The following RBL1 variants were observed in gnomAD, a reference collection of about 807,000 sequenced individuals.
RBL1 encodes retinoblastoma-like protein 1.
In RBL1, 82 loss-of-function variants were observed where a neutral mutation model predicts 123.0. The observed-to-expected ratio is 0.67, with a 90% confidence interval of 0.56 to 0.80. The LOEUF (loss-of-function observed/expected upper bound fraction) is 0.80. RBL1 is among the 30% of genes least tolerant of loss of function. RBL1 has a pLI of 0.00. For synonymous variants in RBL1, 405 were observed against 441.3 expected (o/e 0.92, Z 1.03); for missense variants, 1,171 against 1,299.6 (o/e 0.90, Z 1.52).
chr20:37,019,235 T>A (rs1251619128), intron 18 of RBL1, among the ~76,000 whole-genome samples: 1 of 152,092 alleles, frequency 6.6e-6, no homozygotes, highest in Admixed American at 6.5e-5. Flanking sequence ...TAATGCAGCT[T>A]GTTTTTCTGC....
At chr20:37,000,282 G>A (rs1488058518) in intron 21 of RBL1, among the ~76,000 whole-genome samples, 3 of 149,932 alleles carry the variant, frequency 2.0e-5, no homozygotes, top group African/African-American at 7.4e-5. Context: ...GAAGTGAGGA[G>A]CGTCTTCGCC....
intron 17 of RBL1, 96 bp from the exon 18 acceptor site, chr20:37,020,826 T>G: frequency 1.3e-6 from 1 of 747,158 alleles, no homozygotes; most frequent in Non-Finnish European, 2.2e-6. Flanking sequence ...AGAGCAACCT[T>G]GCAGAAAACC....
chr20:37,073,075 C>A (rs1390695959), intron 2 of RBL1, among the ~76,000 whole-genome samples: 1 of 152,114 alleles, frequency 6.6e-6, no homozygotes, highest in African/African-American at 2.4e-5. Flanking sequence ...CCCGCTCCAG[C>A]CTCCCAAGTA....
At chr20:37,017,620 TTG>T (rs147347259) in intron 19 of RBL1, among the ~76,000 whole-genome samples, 3,151 of 139,776 alleles carry the variant, frequency 0.023, 36 homozygotes, top group East Asian at 0.045. Flanking sequence ...GGACATTTTC[TTG>T]TGTGTGTGTG....
intron 20 of RBL1, among the ~76,000 whole-genome samples, chr20:37,005,763 T>C (rs2064059834): frequency 6.6e-6 from 1 of 151,852 alleles, no homozygotes; most frequent in Non-Finnish European, 1.5e-5. Context: ...CCTCTGAGGA[T>C]AGTCATAGAC....
chr20:37,045,084 A>ACTTAC (rs202016220), intron 12 of RBL1, among the ~76,000 whole-genome samples: 1 of 109,494 alleles, frequency 9.1e-6, no homozygotes, highest in Non-Finnish European at 1.9e-5. Flanking sequence ...TTATTTACTT[A>ACTTAC]TTTATTTATT....
chr20:37,044,312 C>CA, intron 12 of RBL1, 62 bp from the exon 13 acceptor site: 4 of 1,485,244 alleles, frequency 2.7e-6, no homozygotes, highest in Non-Finnish European at 2.8e-6. Flanking sequence ...TCTGGACTTG[C>CA]ATGTAGGACT....
At position 37,042,902 on chromosome 20, in the gene RBL1, C is replaced by G. The variant is rs373947379; in HGVS notation, c.1770+1184G>C. ...TGACAGAGTGAGATCTTGTCCCCCC[C>G]CCTCCAAAAAAAAAAAAAAAAAAGT... On this transcript the variant is annotated intron_variant, in intron 13 of 21. Transcript: ENST00000373664. Among the ~76,000 whole-genome samples the G allele has an allele frequency of 4.4e-4, 51 of 116,656 alleles. 2 individuals carry two copies. The highest frequency in any genetic ancestry group is 1.2e-3 in the African/African-American group (36 of 30,808). The allele number at this position is 116,656 out of a possible 152,430, so 76.5% of individuals were successfully genotyped here. A position where few individuals can be genotyped will look rare whatever the true frequency, so the allele number is the denominator to read the frequency against.
intron 21 of RBL1, among the ~76,000 whole-genome samples, chr20:36,999,948 C>T (rs995056183): frequency 4.0e-5 from 6 of 150,296 alleles, no homozygotes; most frequent in Admixed American, 1.3e-4. Context: ...TCTGCCTGGC[C>T]GCCCATCGTC....
intron 19 of RBL1, among the ~76,000 whole-genome samples, chr20:37,013,611 GAC>G (rs1012166206): frequency 3.3e-5 from 5 of 149,764 alleles, no homozygotes; most frequent in Non-Finnish European, 7.4e-5. Flanking sequence ...AAAAATTTGA[GAC>G]ACTACCCTCA....
At chr20:36,999,691 G>A (rs529727862) in intron 21 of RBL1, among the ~76,000 whole-genome samples, 60 of 152,350 alleles carry the variant, frequency 3.9e-4, no homozygotes, top group African/African-American at 1.3e-3. Flanking sequence ...ATGGGGTTTC[G>A]CTGTGTTGGC....
chr20:37,086,561 A>C (rs763608118), intron 2 of RBL1, among the ~76,000 whole-genome samples: 5 of 152,188 alleles, frequency 3.3e-5, no homozygotes, highest in Admixed American at 6.6e-5. Flanking sequence ...AATAAAAAAA[A>C]ATTTAAATTT....
chr20:36,999,307 A>G (rs572114057), intron 21 of RBL1, among the ~76,000 whole-genome samples: 53 of 151,618 alleles, frequency 3.5e-4, no homozygotes, highest in African/African-American at 1.2e-3. Flanking sequence ...TCGGGAGGTT[A>G]AGGAGCATCA....
chr20:37,037,929 CCCGCCTCGG>C (rs2064648393), intron 14 of RBL1, among the ~76,000 whole-genome samples: 1 of 151,596 alleles, frequency 6.6e-6, no homozygotes, highest in Non-Finnish European at 1.5e-5. Flanking sequence ...TCGTGATCTG[CCCGCCTCGG>C]CCTCCCAAAG....
At position 37,062,243 on chromosome 20, in the gene RBL1, C is replaced by G. The variant is rs151227043; in HGVS notation, c.924G>C (p.Glu308Asp). ...NSKAVNKEYE[E>D]YVLTVGDFDE... Reference sequence around the variant, plus strand: ...CAAAATCACCAACAGTTAGAACATACTCTTCATACTCCTTATTCACTGCTT... The same window carrying G: ...CAAAATCACCAACAGTTAGAACATAGTCTTCATACTCCTTATTCACTGCTT... Residue 308 changes from glutamate (E) to aspartate (D), a missense_variant, in exon 8 of 22, where the codon GAG becomes GAC. Glu to Asp is a conservative substitution (Grantham distance 45). Transcript: ENST00000373664. 1 of 1,614,124 alleles carries G rather than the reference C, an allele frequency of 6.2e-7. No homozygotes were observed. The highest frequency in any genetic ancestry group is 1.1e-5 in the South Asian group (1 of 91,078).
chr20:37,022,074 C>T lies in RBL1; in HGVS notation c.2559+576G>A, dbSNP rs1281919675. 3 of 152,088 alleles carry T rather than the reference C, an allele frequency of 2.0e-5. No homozygotes were observed. In the East Asian group the frequency reaches 5.8e-4, roughly 29 times the overall value. The allele number at this position is 152,088 out of a possible 1,614,324, so 9.4% of individuals were successfully genotyped here. ...AAAGAGGCATTGTGGGAGGAGGGGT[C>T]ACAAAGGAGTTTAAAAACATATGCT... On this transcript the variant is annotated intron_variant, in intron 17 of 21. Transcript: ENST00000373664.
chr20:37,042,145 C>G (rs1261274002), intron 13 of RBL1, among the ~76,000 whole-genome samples: 1 of 150,448 alleles, frequency 6.6e-6, no homozygotes, highest in Non-Finnish European at 1.5e-5. Flanking sequence ...AATCATTTAT[C>G]TGATAAGGGA....
At chr20:37,029,269 C>G (rs960193279) in intron 16 of RBL1, among the ~76,000 whole-genome samples, 3 of 152,146 alleles carry the variant, frequency 2.0e-5, no homozygotes, top group Non-Finnish European at 2.9e-5. Flanking sequence ...GGAGCCCCTG[C>G]ATATACCTGA....
In RBL1 at chr20:37,095,891, A is replaced by G. The variant is rs1286372401; in HGVS notation, c.38T>C (p.Val13Ala). ...EDKPHAEGAA[V>A]VAAAGEALQA... The stretch of plus-strand genomic sequence containing the variant: ...TAGCGCCTCCCCGGCTGCGGCGACC[A>G]CCGCCGCCCCCTCAGCGTGGGGCTT... The change falls in exon 1 of 22, where the codon GTG becomes GCG. Residue 13 changes from valine to alanine, a missense_variant. By Grantham distance (64) the Val-to-Ala change is moderately conservative (BLOSUM62 0). Coordinates refer to ENST00000373664, the MANE Select transcript of RBL1 (RefSeq NM_002895.5). The G allele has an allele frequency of 1.2e-6, 2 of 1,601,242 alleles. No individual in the cohort carries two copies. The highest frequency in any genetic ancestry group is 1.7e-6 in the Non-Finnish European group (2 of 1,174,528).
Sources: gnomAD v4.1 joint callset for allele counts (sites outside exome capture counted in the v4.1 genomes callset) on GRCh38, gnomAD v4.1.1 for gene constraint, MANE v1.5 for transcripts, NCBI Gene and HGNC (gene_info 2026-07-23, HGNC 2026-07-21) for gene names.